KCNQ5: variants seen among roughly 807,000 people sequenced by gnomAD.
KCNQ5 encodes the protein potassium voltage-gated channel subfamily KQT member 5.
KCNQ5 carries 30 observed loss-of-function variants against 98.2 expected under a neutral mutation model. The ratio of observed to expected loss-of-function variants is 0.31; its 90% confidence interval spans 0.23 to 0.41. The LOEUF (loss-of-function observed/expected upper bound fraction) is 0.41, where lower values mean the gene tolerates loss of function less well. Ranked by LOEUF, KCNQ5 falls within the 10% of genes least tolerant of loss-of-function variation. KCNQ5 has a pLI of 1.00. For missense variants in KCNQ5, 835 were observed against 1,182.5 expected (o/e 0.71, Z 4.31); for synonymous variants, 458 against 449.4 (o/e 1.02, Z -0.24).
chr6:73,170,230 G>C (rs948147281), intron 11 of KCNQ5, among the ~76,000 whole-genome samples: 5 of 152,118 alleles, frequency 3.3e-5, no homozygotes, highest in African/African-American at 1.2e-4. Context: ...CAAAGAAAAG[G>C]CCTTGTAGGT....
chr6:72,838,875 G>A (rs1197434372), intron 1 of KCNQ5, among the ~76,000 whole-genome samples: 8 of 148,594 alleles, frequency 5.4e-5, no homozygotes, highest in African/African-American at 1.5e-4. Context: ...GCGTGAACCC[G>A]GGAGGCGGAG....
chr6:72,675,607 G>A (rs184059726), intron 1 of KCNQ5, among the ~76,000 whole-genome samples: 2 of 152,164 alleles, frequency 1.3e-5, no homozygotes, highest in Admixed American at 6.5e-5. Flanking sequence ...GGACAATAGC[G>A]ATAACTGCCA....
intron 1 of KCNQ5, among the ~76,000 whole-genome samples, chr6:72,891,874 C>A (rs1779071239): frequency 1.3e-5 from 2 of 152,146 alleles, no homozygotes; most frequent in South Asian, 4.1e-4. Context: ...GCTTGAATGT[C>A]CACACATTTG....
At chr6:72,668,849 C>T (rs1766955321) in intron 1 of KCNQ5, among the ~76,000 whole-genome samples, 1 of 151,672 alleles carries the variant, frequency 6.6e-6, no homozygotes, top group Non-Finnish European at 1.5e-5. Context: ...TCTGAAACTT[C>T]CAGCCTTCTT....
At chr6:72,664,564 A>G (rs1192572186) in intron 1 of KCNQ5, among the ~76,000 whole-genome samples, 1 of 152,130 alleles carries the variant, frequency 6.6e-6, no homozygotes, top group African/African-American at 2.4e-5. Flanking sequence ...CTGAGGCAGG[A>G]GAGTCCCTTG....
chr6:72,859,828 G>A (rs1286044991), intron 1 of KCNQ5, among the ~76,000 whole-genome samples: 1 of 152,088 alleles, frequency 6.6e-6, no homozygotes, highest in African/African-American at 2.4e-5. Context: ...GGGCTCAAGT[G>A]ATCTGCCTGC....
intron 2 of KCNQ5, among the ~76,000 whole-genome samples, chr6:73,018,023 C>T (rs1041706210): frequency 3.9e-5 from 6 of 152,042 alleles, no homozygotes; most frequent in Non-Finnish European, 8.8e-5. Flanking sequence ...CAGGTGAAAT[C>T]AAGTATGAAT....
chr6:73,165,845 TG>T (rs570646122), intron 10 of KCNQ5, among the ~76,000 whole-genome samples: 89 of 151,666 alleles, frequency 5.9e-4, no homozygotes, highest in African/African-American at 2.1e-3. Context: ...CTCGGGAGGC[TG>T]GGGCAGGAGA....
Position 72,866,252 on chromosome 6 carries a change from C to A in KCNQ5, c.399-137656C>A, listed in dbSNP as rs569711586. ...TATTCTAGTTTCCTCCGCCATCTCC[C>A]TTTTTTTTTTTTTTTTTTTTTGAAA... On this transcript the variant is annotated intron_variant, in intron 1 of 13. Transcript: ENST00000370398. Among the ~76,000 whole-genome samples, 4 of 113,768 alleles carry A rather than the reference C, an allele frequency of 3.5e-5. No homozygotes were observed. In the East Asian group the frequency reaches 1.0e-3, roughly 29 times the overall value. 74.6% of individuals were successfully genotyped at this position (113,768 alleles called of 152,430 possible). A position where few individuals can be genotyped will look rare whatever the true frequency, so the allele number is the denominator to read the frequency against.
intron 1 of KCNQ5, among the ~76,000 whole-genome samples, chr6:72,891,263 G>C (rs1935514): frequency 0.011 from 1,723 of 152,218 alleles, 25 homozygotes; most frequent in African/African-American, 0.039. Flanking sequence ...TAAAGTAGTT[G>C]ACAAAATCTA....
chr6:72,713,277 G>A (rs1276743781), intron 1 of KCNQ5, among the ~76,000 whole-genome samples: 3 of 152,058 alleles, frequency 2.0e-5, no homozygotes, highest in Admixed American at 6.6e-5. Context: ...CGTCCCAAAC[G>A]TGACTCTTTC....
intron 3 of KCNQ5, among the ~76,000 whole-genome samples, chr6:73,063,750 G>GATAT (rs1772929063): frequency 7.5e-6 from 1 of 132,976 alleles, no homozygotes; most frequent in African/African-American, 2.8e-5. Context: ...TAGATAGATA[G>GATAT]ATAGATAGAT....
intron 1 of KCNQ5, among the ~76,000 whole-genome samples, chr6:72,938,228 T>C (rs981705842): frequency 1.3e-5 from 2 of 152,040 alleles, no homozygotes; most frequent in Admixed American, 6.6e-5. Context: ...GACAAAAAAA[T>C]AGATTCATGG....
rs559320345 is a variant in KCNQ5, at chr6:72,824,538, C to T, written c.399-179370C>T. On this transcript the variant is annotated intron_variant, in intron 1 of 13. Coordinates refer to ENST00000370398, the MANE Select transcript of KCNQ5 (RefSeq NM_019842.4). The stretch of plus-strand genomic sequence containing the variant: ...TTAAGAGCCTGCAAAATTAACCTGC[C>T]TTTCAATTTGCACATGTACTTATTA... Among the ~76,000 whole-genome samples, 230 of 152,134 alleles carry T rather than the reference C, an allele frequency of 1.5e-3. 1 individual carries two copies. The highest frequency in any genetic ancestry group is 5.9e-3 in the Admixed American group (90 of 15,272).
chr6:72,878,748 G>A (rs1240598528), intron 1 of KCNQ5, among the ~76,000 whole-genome samples: 2 of 152,022 alleles, frequency 1.3e-5, no homozygotes, highest in African/African-American at 2.4e-5. Context: ...TTTTATTAAG[G>A]CTTGTTAAAA....
intron 5 of KCNQ5, among the ~76,000 whole-genome samples, chr6:73,089,380 A>C (rs1347483988): frequency 2.6e-5 from 4 of 152,158 alleles, no homozygotes; most frequent in African/African-American, 9.7e-5. Context: ...CTTTATGAGA[A>C]AATGACTGTT....
intron 1 of KCNQ5, among the ~76,000 whole-genome samples, chr6:72,903,875 T>C (rs974785165): frequency 2.0e-5 from 3 of 152,180 alleles, no homozygotes; most frequent in East Asian, 1.9e-4. Context: ...TTAAATCCAT[T>C]ATTTCTTTGT....
At chr6:73,128,569 T>C (rs1014165186) in intron 9 of KCNQ5, among the ~76,000 whole-genome samples, 3 of 152,216 alleles carry the variant, frequency 2.0e-5, no homozygotes, top group Non-Finnish European at 4.4e-5. Flanking sequence ...GGCTTTTCCT[T>C]CTATCTACCT....
In KCNQ5 at chr6:73,195,399, T is replaced by G. The variant is rs117938048; in HGVS notation, c.2784T>G (p.His928Gln). 3 of 1,612,484 alleles carry G rather than the reference T, an allele frequency of 1.9e-6. No individual in the cohort carries two copies. The highest frequency in any genetic ancestry group is 2.5e-6 in the Non-Finnish European group (3 of 1,178,796). ...GESTDALSLP[H>Q]VKLK ...GTACAGATGCCCTCAGCTTGCCTCATGTCAAACTGAAATAAGTTCTTCATT... is the reference window on the plus strand; with the variant it reads ...GTACAGATGCCCTCAGCTTGCCTCAGGTCAAACTGAAATAAGTTCTTCATT... Residue 928 changes from histidine to glutamine, a missense_variant, in exon 14 of 14, where the codon CAT becomes CAG. Coordinates refer to ENST00000370398, the MANE Select transcript of KCNQ5 (RefSeq NM_019842.4).
Sources: gnomAD v4.1 joint callset for allele counts (sites outside exome capture counted in the v4.1 genomes callset) on GRCh38, gnomAD v4.1.1 for gene constraint, MANE v1.5 for transcripts, NCBI Gene and HGNC (gene_info 2026-07-23, HGNC 2026-07-21) for gene names.